The following FRMPD4 variants were observed in gnomAD, a reference collection of about 807,000 sequenced individuals.
FRMPD4 encodes FERM and PDZ domain containing 4.
FRMPD4 carries 22 observed loss-of-function variants against 94.1 expected under a neutral mutation model. The observed-to-expected ratio is 0.23, with a 90% CI of 0.17 to 0.33. FRMPD4 has a LOEUF of 0.33. Ranked by LOEUF, FRMPD4 falls within the 10% of genes least tolerant of loss-of-function variation. FRMPD4 has a pLI of 1.00. For synonymous variants in FRMPD4, 631 were observed against 548.6 expected (o/e 1.15, Z -2.10); for missense variants, 1,111 against 1,339.9 (o/e 0.83, Z 2.67).
chrX:12,312,419 A>AT (rs763678099), intron 1 of FRMPD4, among the ~76,000 whole-genome samples: 2 of 105,871 alleles, frequency 1.9e-5, no homozygotes, highest in South Asian at 8.7e-4. Context: ...CGCCCAGCTA[A>AT]TTTTTTTGTA....
chrX:12,327,420 T>C (rs1165892242), intron 1 of FRMPD4, among the ~76,000 whole-genome samples: 1 of 111,900 alleles, frequency 8.9e-6, no homozygotes. Context: ...CAAGTCAGAG[T>C]TGGTAATATG....
rs183589137 is a variant in FRMPD4 at position 12,203,405 on chromosome X, A to G, written c.41+64393A>G. On this transcript the variant is annotated intron_variant, in intron 1 of 16. Coordinates refer to ENST00000675598, the MANE Select transcript of FRMPD4 (RefSeq NM_001368397.1). ...GGTCATTCTCAGGAAGATGCTTGGA[A>G]GACACCAACAAAACACTACATATAT... is the stretch of plus-strand genomic sequence containing the variant. Among the ~76,000 whole-genome samples, 156 of 111,866 alleles carry G rather than the reference A, an allele frequency of 1.4e-3. 1 individual carries two copies. Among genetic ancestry groups the G allele is most frequent in the African/African-American group, 4.4e-3 (136 of 30,826 alleles).
intron 1 of FRMPD4, among the ~76,000 whole-genome samples, chrX:12,459,153 C>T (rs17255907): frequency 0.15 from 15,982 of 109,965 alleles, 917 homozygotes; most frequent in Admixed American, 0.19. Flanking sequence ...CAGGGAGTAG[C>T]CTCAAGCGTG....
chrX:11,827,883 A>C (rs1264911008), intron 1 of FRMPD4, among the ~76,000 whole-genome samples: 1 of 112,162 alleles, frequency 8.9e-6, no homozygotes, highest in Non-Finnish European at 1.9e-5. Context: ...TTAAGTCCAG[A>C]GTGGGTAGTC....
chrX:11,909,174 C>T (rs190308627), intron 3 of FRMPD4, among the ~76,000 whole-genome samples: 1 of 111,758 alleles, frequency 8.9e-6, no homozygotes, highest in Non-Finnish European at 1.9e-5. Context: ...ATTAAAGCCA[C>T]CTGGTCTGGA....
At chrX:12,584,985 A>G (rs1288394297) in intron 2 of FRMPD4, among the ~76,000 whole-genome samples, 2 of 111,372 alleles carry the variant, frequency 1.8e-5, no homozygotes, top group South Asian at 3.8e-4. Context: ...CAGTGGCACT[A>G]TCTCTGTTCA....
chrX:11,886,953 C>G (rs1366691502), intron 3 of FRMPD4, among the ~76,000 whole-genome samples: 2 of 110,601 alleles, frequency 1.8e-5, no homozygotes, highest in East Asian at 5.7e-4. Context: ...TTCCTCCCCA[C>G]CACTCTTCTG....
intron 1 of FRMPD4, among the ~76,000 whole-genome samples, chrX:12,231,018 A>ATAGTATGTAT (rs60562591): frequency 8.7e-5 from 4 of 46,038 alleles, no homozygotes; most frequent in Admixed American, 3.1e-4. Flanking sequence ...TAGTATATAT[A>ATAGTATGTAT]GTATATATAT....
chrX:11,909,857 T>G (rs1301429938), intron 3 of FRMPD4, among the ~76,000 whole-genome samples: 2 of 111,246 alleles, frequency 1.8e-5, no homozygotes, highest in African/African-American at 6.5e-5. Flanking sequence ...TTTTTTTTTC[T>G]GTTGATCTCT....
chrX:12,063,676 C>G (rs1196049908), intron 3 of FRMPD4, among the ~76,000 whole-genome samples: 1 of 112,319 alleles, frequency 8.9e-6, no homozygotes, highest in East Asian at 2.8e-4. Flanking sequence ...TCACTTGAGC[C>G]TAGGAGTTTG....
intron 5 of FRMPD4, among the ~76,000 whole-genome samples, chrX:12,680,083 C>T (rs755471737): frequency 8.9e-6 from 1 of 112,090 alleles, no homozygotes; most frequent in Non-Finnish European, 1.9e-5. Context: ...CCTTCAATTT[C>T]AGAAATTAAT....
intron 1 of FRMPD4, among the ~76,000 whole-genome samples, chrX:11,836,945 A>T (rs973661990): frequency 8.9e-6 from 1 of 112,213 alleles, no homozygotes; most frequent in Non-Finnish European, 1.9e-5. Flanking sequence ...AAAAAAGTGC[A>T]AAGTGAAAAG....
chrX:12,073,970 G>T (rs1724828628), intron 3 of FRMPD4, among the ~76,000 whole-genome samples: 1 of 111,638 alleles, frequency 9.0e-6, no homozygotes. Context: ...TTAGCCACTT[G>T]CTTTCACTCT....
chrX:12,170,012 T>A (rs187582569), intron 1 of FRMPD4, among the ~76,000 whole-genome samples: 3 of 111,767 alleles, frequency 2.7e-5, no homozygotes, highest in African/African-American at 9.7e-5. Context: ...AAATCTGAAA[T>A]CAGAACCATA....
At chrX:12,311,953 T>C in intron 1 of FRMPD4, among the ~76,000 whole-genome samples, 1 of 111,483 alleles carries the variant, frequency 9.0e-6, no homozygotes, top group African/African-American at 3.3e-5. Context: ...AGTAAAATAT[T>C]ATCAGATCTT....
At chrX:12,678,682 A>C (rs978027951) in intron 5 of FRMPD4, among the ~76,000 whole-genome samples, 1 of 111,838 alleles carries the variant, frequency 8.9e-6, no homozygotes, top group South Asian at 3.8e-4. Flanking sequence ...AAAATTAGCC[A>C]GGTGTGGTGG....
intron 2 of FRMPD4, among the ~76,000 whole-genome samples, chrX:12,574,160 C>T (rs1428277737): frequency 9.0e-6 from 1 of 111,351 alleles, no homozygotes; most frequent in African/African-American, 3.3e-5. Flanking sequence ...GCCGCCATAC[C>T]CAGCTAATTT....
intron 3 of FRMPD4, among the ~76,000 whole-genome samples, chrX:12,067,708 G>A (rs919152765): frequency 7.1e-5 from 8 of 111,956 alleles, no homozygotes; most frequent in African/African-American, 2.6e-4. Context: ...GAGCCACTGT[G>A]CCTGGCCAGT....
chrX:11,981,005 A>G (rs2054394369), intron 3 of FRMPD4, among the ~76,000 whole-genome samples: 1 of 111,655 alleles, frequency 9.0e-6, no homozygotes. Flanking sequence ...CTTCCTTATT[A>G]TCTATGGCAA....
Sources: gnomAD v4.1 joint callset for allele counts (sites outside exome capture counted in the v4.1 genomes callset) on GRCh38, gnomAD v4.1.1 for gene constraint, MANE v1.5 for transcripts, NCBI Gene and HGNC (gene_info 2026-07-23, HGNC 2026-07-21) for gene names.